Variants in LRP1B observed in about 807,000 individuals in gnomAD.
The protein encoded by LRP1B is low-density lipoprotein receptor-related protein 1B.
A neutral mutation model predicts 556.6 loss-of-function variants in LRP1B; 217 were observed. The observed-to-expected ratio is 0.39, with a 90% CI of 0.35 to 0.44. The LOEUF (loss-of-function observed/expected upper bound fraction) is 0.44. LRP1B is among the 20% of genes least tolerant of loss of function. The probability of loss-of-function intolerance (pLI) is 1.00; values close to 1 mark genes in which losing one functional copy is unlikely to be tolerated. For synonymous variants in LRP1B, 2,047 were observed against 1,865.8 expected (o/e 1.10, Z -2.50); for missense variants, 5,053 against 5,620.8 (o/e 0.90, Z 3.23).
chr2:141,970,115 A>T (rs1701687687), intron 1 of LRP1B, among the ~76,000 whole-genome samples: 1 of 151,464 alleles, frequency 6.6e-6, no homozygotes, highest in Non-Finnish European at 1.5e-5. Context: ...TGCCCATTTT[A>T]AAATCAGATT....
chr2:140,617,686 A>C (rs1683306478), intron 41 of LRP1B, among the ~76,000 whole-genome samples: 1 of 152,058 alleles, frequency 6.6e-6, no homozygotes, highest in South Asian at 2.1e-4. Flanking sequence ...TTCTATTCAG[A>C]TAAAATGAGT....
intron 7 of LRP1B, among the ~76,000 whole-genome samples, chr2:141,187,345 T>A (rs1681306317): frequency 6.6e-6 from 1 of 152,030 alleles, no homozygotes; most frequent in Admixed American, 6.6e-5. Context: ...AAGTAAAGAG[T>A]GACGAAAGTC....
intron 1 of LRP1B, among the ~76,000 whole-genome samples, chr2:142,077,254 A>G (rs764386329): frequency 7.2e-5 from 11 of 152,096 alleles, no homozygotes; most frequent in Non-Finnish European, 1.2e-4. Context: ...TGGCAACTTT[A>G]ACATATTCTT....
intron 43 of LRP1B, among the ~76,000 whole-genome samples, chr2:140,595,022 C>G (rs62171953): frequency 0.15 from 21,172 of 144,398 alleles, 2,017 homozygotes; most frequent in South Asian, 0.28. Flanking sequence ...CAGTGTACTC[C>G]AAAATATAAA....
At chr2:142,094,485 GTT>G (rs1706285949) in intron 1 of LRP1B, among the ~76,000 whole-genome samples, 1 of 151,932 alleles carries the variant, frequency 6.6e-6, no homozygotes, top group East Asian at 1.9e-4. Context: ...AAGGGTTCTT[GTT>G]ACAAATTTGT....
chr2:141,946,491 C>G (rs997597463), intron 1 of LRP1B, among the ~76,000 whole-genome samples: 2 of 152,022 alleles, frequency 1.3e-5, no homozygotes, highest in Non-Finnish European at 2.9e-5. Flanking sequence ...AGGTATTAGC[C>G]ACAGGGGGGA....
At chr2:141,072,945 C>T (rs548908524) in intron 7 of LRP1B, among the ~76,000 whole-genome samples, 3 of 152,122 alleles carry the variant, frequency 2.0e-5, no homozygotes, top group South Asian at 2.1e-4. Context: ...ACACTCAGTC[C>T]GTCTTTTTCT....
At chr2:141,795,727 C>T (rs936845825) in intron 2 of LRP1B, among the ~76,000 whole-genome samples, 1 of 151,296 alleles carries the variant, frequency 6.6e-6, no homozygotes, top group African/African-American at 2.4e-5. Flanking sequence ...TACCTTACTG[C>T]ACTAGTATTT....
intron 23 of LRP1B, among the ~76,000 whole-genome samples, chr2:140,889,829 A>T (rs1427445515): frequency 6.6e-6 from 1 of 152,214 alleles, no homozygotes; most frequent in African/African-American, 2.4e-5. Context: ...TGTCAATGGT[A>T]GTTTGTATTT....
rs80284414 is a variant in LRP1B, at chr2:141,197,213, G to T, written c.851-8630C>A. Among the ~76,000 whole-genome samples the T allele has an allele frequency of 9.8e-3, 1,484 of 152,194 alleles. 34 individuals are homozygous for T. Among genetic ancestry groups the T allele is most frequent in the African/African-American group, 0.031 (1,299 of 41,544 alleles). On this transcript the variant is annotated intron_variant, in intron 6 of 90. Transcript: ENST00000389484. The stretch of plus-strand genomic sequence containing the variant: ...AAGAAATTGCCTGTCTGTTGGGGTT[G>T]TATTAGGGAACCTAGAGGCCTAGCT...
At chr2:140,349,117 C>T (rs911410262) in intron 77 of LRP1B, among the ~76,000 whole-genome samples, 4 of 152,206 alleles carry the variant, frequency 2.6e-5, no homozygotes, top group Admixed American at 2.0e-4. Flanking sequence ...TAACCTCCTG[C>T]TGTGCAGCCA....
intron 7 of LRP1B, among the ~76,000 whole-genome samples, chr2:141,070,767 A>C (rs898100697): frequency 5.3e-5 from 8 of 152,118 alleles, no homozygotes; most frequent in Non-Finnish European, 1.0e-4. Context: ...GAAATGGATA[A>C]ATTCCTCAAC....
At chr2:140,498,169 G>T (rs1288042947) in intron 55 of LRP1B, among the ~76,000 whole-genome samples, 3 of 151,750 alleles carry the variant, frequency 2.0e-5, no homozygotes, top group Admixed American at 2.0e-4. Context: ...ATGAAAGTGA[G>T]AATTATATGT....
chr2:140,955,843 G>A (rs932246849), intron 18 of LRP1B, among the ~76,000 whole-genome samples: 13 of 151,566 alleles, frequency 8.6e-5, no homozygotes, highest in African/African-American at 3.1e-4. Flanking sequence ...CTTCTTTCCT[G>A]TCTCTGACCT....
At chr2:141,826,946 C>T (rs1696948230) in intron 1 of LRP1B, among the ~76,000 whole-genome samples, 1 of 152,116 alleles carries the variant, frequency 6.6e-6, no homozygotes, top group South Asian at 2.1e-4. Flanking sequence ...TTTCTGTCAA[C>T]CTGAAACATT....
At chr2:140,357,331 T>A (rs1399851274) in intron 74 of LRP1B, among the ~76,000 whole-genome samples, 1 of 151,510 alleles carries the variant, frequency 6.6e-6, no homozygotes, top group East Asian at 1.9e-4. Context: ...CATATCCTGG[T>A]GGGTATTGCT....
At chr2:140,483,640 A>ATATATATATATT (rs1491228405) in intron 59 of LRP1B, among the ~76,000 whole-genome samples, 18 of 70,736 alleles carry the variant, frequency 2.5e-4, no homozygotes, top group Non-Finnish European at 3.8e-4. Flanking sequence ...ATATATATAT[A>ATATATATATATT]TTTTTTTTTT....
At chr2:142,098,803 A>G (rs1047188855) in intron 1 of LRP1B, among the ~76,000 whole-genome samples, 2 of 151,884 alleles carry the variant, frequency 1.3e-5, no homozygotes, top group Non-Finnish European at 2.9e-5. Context: ...CGTTATTCTG[A>G]GAAATCTCAA....
rs577336273 is a variant in LRP1B at position 141,416,636 on chromosome 2, A to G, written c.343+63760T>C. 7.9e-5 allele frequency among the ~76,000 whole-genome samples: 12 copies of G among 152,064 alleles called. No individual in the cohort carries two copies. In the East Asian group the frequency reaches 2.1e-3, roughly 27 times the overall value. On this transcript the variant is annotated intron_variant, in intron 3 of 90. Coordinates refer to ENST00000389484, the MANE Select transcript of LRP1B (RefSeq NM_018557.3). ...CACCAGTCTAATTTTTGTTATTTTT[A>G]GAGAGATGGGTTTTCACCATGTTGG... is the stretch of plus-strand genomic sequence containing the variant.
Sources: gnomAD v4.1 joint callset for allele counts (sites outside exome capture counted in the v4.1 genomes callset) on GRCh38, gnomAD v4.1.1 for gene constraint, MANE v1.5 for transcripts, NCBI Gene and HGNC (gene_info 2026-07-23, HGNC 2026-07-21) for gene names.